Variants in DNAJB6 observed in about 807,000 individuals in gnomAD.
The protein encoded by DNAJB6 is dnaJ homolog subfamily B member 6.
Under a neutral mutation model 42.7 loss-of-function variants are expected in DNAJB6, and 16 were observed. The observed-to-expected ratio is 0.37, with a 90% confidence interval of 0.25 to 0.57. The LOEUF (loss-of-function observed/expected upper bound fraction) is 0.57, where lower values mean the gene tolerates loss of function less well. DNAJB6 is among the 20% of genes least tolerant of loss of function. DNAJB6 has a pLI of 0.74. For synonymous variants in DNAJB6, 170 were observed against 163.5 expected, an observed-to-expected ratio of 1.04 and a Z score of -0.30; for missense variants, 347 against 416.8, an observed-to-expected ratio of 0.83 and a Z score of 1.46.
At chr7:157,400,802 G>C (rs1006851716) in intron 8 of DNAJB6, among the ~76,000 whole-genome samples, 4 of 152,224 alleles carry the variant, frequency 2.6e-5, no homozygotes, top group Non-Finnish European at 5.9e-5. Flanking sequence ...GGATCTTTCT[G>C]GAAGTGAGTT....
chr7:157,339,646 T>TGTGA (rs1798249126), intron 1 of DNAJB6, among the ~76,000 whole-genome samples: 1 of 33,230 alleles, frequency 3.0e-5, no homozygotes, highest in Admixed American at 4.3e-4. Context: ...TGTGTGTGTG[T>TGTGA]GAGATGGAGT....
At chr7:157,349,298 A>G (rs1170947241) in intron 1 of DNAJB6, among the ~76,000 whole-genome samples, 1 of 152,200 alleles carries the variant, frequency 6.6e-6, no homozygotes, top group Non-Finnish European at 1.5e-5. Context: ...TTCAATCAGA[A>G]TGACAATATT....
At position 157,339,598 on chromosome 7, in the gene DNAJB6, CTTTTGT is replaced by C. The variant is rs1331167842; in HGVS notation, c.-27+2455_-27+2460del. On this transcript the variant is annotated intron_variant, in intron 1 of 9. Transcript: ENST00000262177. ...ACAGGCATGAGCCACCGCGCCCGGC[CTTTTGT>C]GTGTGTGTGTGTGTGTGTGTGTGTG... 2.7e-3 allele frequency among the ~76,000 whole-genome samples: 363 copies of C among 134,300 alleles called. 1 individual carries two copies. Among genetic ancestry groups the C allele is most frequent in the East Asian group, 0.012 (55 of 4,538 alleles). The allele number at this position is 134,300 out of a possible 152,430, so 88.1% of individuals were successfully genotyped here. A position where few individuals can be genotyped will look rare whatever the true frequency, so the allele number is the denominator to read the frequency against.
At position 157,361,480 on chromosome 7, in the gene DNAJB6, A is replaced by G. The variant is rs563939831; in HGVS notation, c.66-1681A>G. 2.0e-5 allele frequency among the ~76,000 whole-genome samples: 3 copies of G among 152,302 alleles called. No homozygotes were observed. In the South Asian group the frequency reaches 6.2e-4, roughly 32 times the overall value. ...CTGCTACATGTTTGTTTAGGTCCAC[A>G]GTGACATAAATTACTGTTAAGTATT... On this transcript the variant is annotated intron_variant, in intron 2 of 9. Transcript: ENST00000262177.
At chr7:157,355,735 T>G (rs1002048728) in intron 1 of DNAJB6, among the ~76,000 whole-genome samples, 2 of 152,220 alleles carry the variant, frequency 1.3e-5, no homozygotes, top group Admixed American at 6.5e-5. Context: ...GTGGCTCTCA[T>G]ACTGCCTTTA....
At position 157,359,916 on chromosome 7, in the gene DNAJB6, C is replaced by T. The variant is rs149106162; in HGVS notation, c.65+1279C>T. Reference sequence around the variant, plus strand: ...AGCAGTCTACTGAGGAGAGGTCAGGCAGGCCCTGATGCTGTCACTAGTAGA... The same window carrying T: ...AGCAGTCTACTGAGGAGAGGTCAGGTAGGCCCTGATGCTGTCACTAGTAGA... On this transcript the variant is annotated intron_variant, in intron 2 of 9. Coordinates refer to ENST00000262177, the MANE Select transcript of DNAJB6 (RefSeq NM_058246.4). Among the ~76,000 whole-genome samples, 376 of 152,320 alleles carry T rather than the reference C, an allele frequency of 2.5e-3. 1 individual carries two copies. The highest frequency in any genetic ancestry group is 0.01 in the Middle Eastern group (3 of 292).
intron 8 of DNAJB6, among the ~76,000 whole-genome samples, chr7:157,406,855 A>G (rs539785170): frequency 6.6e-6 from 1 of 152,244 alleles, no homozygotes; most frequent in African/African-American, 2.4e-5. Context: ...TTTTCTAAAC[A>G]GACGGTAAAT....
intron 1 of DNAJB6, among the ~76,000 whole-genome samples, chr7:157,344,673 G>C (rs1400325980): frequency 1.3e-5 from 2 of 152,246 alleles, no homozygotes; most frequent in Admixed American, 6.5e-5. Context: ...GGAGGGCATT[G>C]GTGCGTTCAC....
intron 1 of DNAJB6, among the ~76,000 whole-genome samples, chr7:157,350,969 T>C (rs1179221003): frequency 7.0e-6 from 1 of 142,102 alleles, no homozygotes; most frequent in Non-Finnish European, 1.5e-5. Context: ...AGTTTCGCTC[T>C]TGTTGGCCAG....
At position 157,362,017 on chromosome 7, in the gene DNAJB6, C is replaced by T. The variant is rs538006335; in HGVS notation, c.66-1144C>T. ...CTGACCTCAGGTGATCCACCCACCT[C>T]GGCCTGCCAGAGTGCTGGGATTACA... is the stretch of plus-strand genomic sequence containing the variant. On this transcript the variant is annotated intron_variant, in intron 2 of 9. Coordinates refer to ENST00000262177, the MANE Select transcript of DNAJB6 (RefSeq NM_058246.4). Among the ~76,000 whole-genome samples, 9 of 152,286 alleles carry T rather than the reference C, an allele frequency of 5.9e-5. No individual in the cohort carries two copies. In the South Asian group the frequency reaches 1.7e-3, roughly 28 times the overall value.
intron 8 of DNAJB6, chr7:157,386,331 T>C: frequency 1.0e-6 from 1 of 985,222 alleles, no homozygotes; most frequent in Non-Finnish European, 1.2e-6. Context: ...TGGAGCTTTT[T>C]TGTGTCTGTG....
intron 5 of DNAJB6, chr7:157,378,519 T>G (rs538728148): frequency 2.0e-4 from 30 of 152,312 alleles, no homozygotes; most frequent in African/African-American, 6.3e-4. Context: ...GCTGTATGGT[T>G]GTGCGTTGTA....
chr7:157,349,634 A>G (rs1015949211), intron 1 of DNAJB6, among the ~76,000 whole-genome samples: 4 of 151,914 alleles, frequency 2.6e-5, no homozygotes, highest in African/African-American at 7.3e-5. Flanking sequence ...GCGCTGTGCC[A>G]TCATGCCTGG....
intron 3 of DNAJB6, among the ~76,000 whole-genome samples, chr7:157,363,508 T>A (rs1799707775): frequency 6.6e-6 from 1 of 152,150 alleles, no homozygotes; most frequent in Non-Finnish European, 1.5e-5. Flanking sequence ...GGATGGCTGT[T>A]TTAAAAGCGG....
chr7:157,403,971 T>C (rs377278884), intron 8 of DNAJB6, among the ~76,000 whole-genome samples: 1 of 151,906 alleles, frequency 6.6e-6, no homozygotes, highest in East Asian at 1.9e-4. Context: ...TTCAGCCTAC[T>C]GTGCAGGGTT....
intron 1 of DNAJB6, 144 bp downstream of exon 1, chr7:157,337,288 C>G (rs9297107): frequency 6.6e-6 from 1 of 151,228 alleles, no homozygotes; most frequent in South Asian, 2.1e-4. Context: ...GGGGCGGGGG[C>G]CGTGGCCGGG....
intron 1 of DNAJB6, among the ~76,000 whole-genome samples, chr7:157,357,794 C>A (rs1184986004): frequency 2.0e-5 from 3 of 152,094 alleles, no homozygotes; most frequent in African/African-American, 7.2e-5. Context: ...ATTTTACTGC[C>A]CGGGGAAGTA....
chr7:157,409,741 G>C (rs1795902224), intron 8 of DNAJB6, 54 bp from the exon 9 acceptor site: 5 of 1,471,342 alleles, frequency 3.4e-6, no homozygotes, highest in South Asian at 1.3e-5. Context: ...GCTCTGGATG[G>C]GGGCCGGCCG....
Position 157,395,779 on chromosome 7 carries a change from A to G in DNAJB6, c.691+10168A>G, listed in dbSNP as rs548066433. 6.7e-4 allele frequency among the ~76,000 whole-genome samples: 90 copies of G among 134,330 alleles called. 1 individual carries two copies. In the South Asian group the frequency reaches 9.0e-3, roughly 13 times the overall value. 88.1% of individuals were successfully genotyped at this position (134,330 alleles called of 152,430 possible). A position where few individuals can be genotyped will look rare whatever the true frequency, so the allele number is the denominator to read the frequency against. ...GGCTCACTGCAACCTCTGCCTCCCTAGTAGCTGGGATTACAGGCCTGTGCC... is the reference window on the plus strand; with the variant it reads ...GGCTCACTGCAACCTCTGCCTCCCTGGTAGCTGGGATTACAGGCCTGTGCC... On this transcript the variant is annotated intron_variant, in intron 8 of 9. Coordinates refer to ENST00000262177, the MANE Select transcript of DNAJB6 (RefSeq NM_058246.4).
Sources: allele counts gnomAD v4.1 joint callset (sites outside exome capture counted in the v4.1 genomes callset), GRCh38; gene constraint gnomAD v4.1.1; transcripts MANE v1.5; gene names NCBI Gene and HGNC (gene_info 2026-07-23, HGNC 2026-07-21).